The following TENM2 variants were observed in gnomAD, a reference collection of about 807,000 sequenced individuals.
TENM2 encodes the protein teneurin-2.
Under a neutral mutation model 245.2 loss-of-function variants are expected in TENM2, and 52 were observed. That is an observed-to-expected ratio of 0.21 (90% CI 0.17 to 0.27). The LOEUF (loss-of-function observed/expected upper bound fraction) is 0.27. Among genes scored for constraint, TENM2 ranks in the 10% least tolerant of loss-of-function variants. The pLI is 1.00. For missense variants in TENM2, 3,046 were observed against 3,666.8 expected (o/e 0.83, Z 4.37); for synonymous variants, 1,363 against 1,438.9 (o/e 0.95, Z 1.19).
intron 12 of TENM2, among the ~76,000 whole-genome samples, chr5:168,136,636 C>G (rs1385929288): frequency 6.6e-6 from 1 of 152,172 alleles, no homozygotes; most frequent in Non-Finnish European, 1.5e-5. Flanking sequence ...TAGTGGCTCT[C>G]CCATACATCA....
rs371789218 is a variant in TENM2 at position 167,719,932 on chromosome 5, C to T, written c.503-156054C>T. On this transcript the variant is annotated intron_variant, in intron 2 of 28. Transcript: ENST00000518659. ...GTTGAGAACCCTTGCTGTAGAATGG[C>T]ATATTCCAAACTGCACTCCACTGCA... Among the ~76,000 whole-genome samples, 5 of 151,840 alleles carry T rather than the reference C, an allele frequency of 3.3e-5. No homozygotes were observed. The South Asian group carries it at 6.3e-4, about 19-fold the overall frequency.
At chr5:167,754,644 G>T (rs1762171398) in intron 2 of TENM2, among the ~76,000 whole-genome samples, 1 of 150,948 alleles carries the variant, frequency 6.6e-6, no homozygotes, top group Admixed American at 6.6e-5. Flanking sequence ...TATACACAGT[G>T]ATGTCAGAAA....
the TENM2 span, among the ~76,000 whole-genome samples, chr5:167,115,776 AT>A: frequency 6.6e-6 from 1 of 152,324 alleles, no homozygotes; most frequent in South Asian, 2.1e-4. Flanking sequence ...TGGAGGATGA[AT>A]TTAAATAGGC....
the TENM2 span, among the ~76,000 whole-genome samples, chr5:166,985,983 A>G: frequency 6.6e-6 from 1 of 152,202 alleles, no homozygotes; most frequent in African/African-American, 2.4e-5. Context: ...AATGATTTAG[A>G]TGTTCAAAGG....
chr5:167,850,382 C>T (rs1294743577), intron 2 of TENM2, among the ~76,000 whole-genome samples: 2 of 152,170 alleles, frequency 1.3e-5, no homozygotes, highest in Non-Finnish European at 2.9e-5. Flanking sequence ...TTCATTCTAA[C>T]AGGCCCTGTG....
intron 2 of TENM2, among the ~76,000 whole-genome samples, chr5:167,651,483 A>G (rs965134059): frequency 2.0e-5 from 3 of 151,844 alleles, no homozygotes; most frequent in Non-Finnish European, 4.4e-5. Context: ...TCTTTTGTCA[A>G]TGTGCATTAT....
At chr5:167,078,896 C>T in the TENM2 span, among the ~76,000 whole-genome samples, 1 of 152,138 alleles carries the variant, frequency 6.6e-6, no homozygotes, top group African/African-American at 2.4e-5. Context: ...CTCTAGACAG[C>T]ACTGCAGTAC....
chr5:167,372,962 A>G (rs1760524257), intron 1 of TENM2, among the ~76,000 whole-genome samples: 1 of 152,236 alleles, frequency 6.6e-6, no homozygotes, highest in African/African-American at 2.4e-5. Flanking sequence ...TGGGCAGAGA[A>G]TTTCAGAGAG....
chr5:168,077,465 A>G (rs777452623), intron 7 of TENM2, among the ~76,000 whole-genome samples: 19 of 151,840 alleles, frequency 1.3e-4, no homozygotes, highest in Non-Finnish European at 2.9e-5. Flanking sequence ...TCTAGGGTAC[A>G]TGTGCACAAA....
At chr5:167,138,145 T>G in the TENM2 span, among the ~76,000 whole-genome samples, 5 of 152,210 alleles carry the variant, frequency 3.3e-5, no homozygotes, top group African/African-American at 1.2e-4. Flanking sequence ...TCATGTTTGC[T>G]TTCAAAGAAA....
At chr5:168,104,668 T>A (rs1251478554) in intron 9 of TENM2, among the ~76,000 whole-genome samples, 1 of 152,198 alleles carries the variant, frequency 6.6e-6, no homozygotes, top group Non-Finnish European at 1.5e-5. Flanking sequence ...AACCTGCCAG[T>A]CTGCATCAGG....
intron 12 of TENM2, among the ~76,000 whole-genome samples, chr5:168,134,405 G>A (rs948123238): frequency 6.6e-6 from 1 of 152,128 alleles, no homozygotes; most frequent in Non-Finnish European, 1.5e-5. Context: ...AGGACAAATT[G>A]CCAGGTGTGG....
chr5:167,520,522 G>A (rs910366011), intron 2 of TENM2, among the ~76,000 whole-genome samples: 6 of 152,078 alleles, frequency 3.9e-5, no homozygotes, highest in Non-Finnish European at 8.8e-5. Context: ...AGAAACCAGT[G>A]AAGATTTGGT....
intron 2 of TENM2, among the ~76,000 whole-genome samples, chr5:167,792,186 G>T (rs1185157147): frequency 1.3e-5 from 2 of 152,040 alleles, no homozygotes; most frequent in African/African-American, 4.8e-5. Context: ...TGCAAACCAT[G>T]CCTTAAGTAA....
At chr5:167,211,755 AT>A in the TENM2 span, among the ~76,000 whole-genome samples, 84 of 151,668 alleles carry the variant, frequency 5.5e-4, 1 homozygote, top group African/African-American at 1.8e-3. Flanking sequence ...AGGTTTATAG[AT>A]TTTTTTTTCT....
intron 2 of TENM2, among the ~76,000 whole-genome samples, chr5:167,407,732 G>A (rs1762710217): frequency 6.6e-6 from 1 of 152,076 alleles, no homozygotes; most frequent in African/African-American, 2.4e-5. Flanking sequence ...CAGGAGAATT[G>A]CTTGAATGTG....
intron 9 of TENM2, among the ~76,000 whole-genome samples, chr5:168,100,160 C>T (rs936103087): frequency 6.6e-6 from 1 of 152,108 alleles, no homozygotes; most frequent in East Asian, 1.9e-4. Flanking sequence ...TATACAATCA[C>T]GTCATCTGCA....
intron 2 of TENM2, among the ~76,000 whole-genome samples, chr5:167,537,513 T>A (rs1001601800): frequency 6.6e-6 from 1 of 152,248 alleles, no homozygotes; most frequent in African/African-American, 2.4e-5. Context: ...AAGGATAGGC[T>A]GACTAAAAGC....
the TENM2 span, among the ~76,000 whole-genome samples, chr5:167,262,723 T>C: frequency 1.3e-5 from 2 of 152,120 alleles, no homozygotes; most frequent in Non-Finnish European, 2.9e-5. Flanking sequence ...CAAGACTGGC[T>C]CCCCTCAGTA....
Sources: gnomAD v4.1 joint callset for allele counts (sites outside exome capture counted in the v4.1 genomes callset) on GRCh38, gnomAD v4.1.1 for gene constraint, MANE v1.5 for transcripts, NCBI Gene and HGNC (gene_info 2026-07-23, HGNC 2026-07-21) for gene names.